The following RGSL1 variants were observed in gnomAD, a reference collection of about 807,000 sequenced individuals.
RGSL1 encodes the protein regulator of G protein signaling like 1.
In RGSL1, 97 loss-of-function variants were observed where a neutral mutation model predicts 124.7. The ratio of observed to expected loss-of-function variants is 0.78; its 90% confidence interval spans 0.66 to 0.92. The LOEUF is 0.92. Ranked by LOEUF, RGSL1 falls within the 40% of genes least tolerant of loss-of-function variation. The pLI, the probability that RGSL1 is intolerant of heterozygous loss-of-function variation, is 0.00. For synonymous variants in RGSL1, 424 were observed against 438.1 expected, an observed-to-expected ratio of 0.97 and a Z score of 0.40; for missense variants, 1,233 against 1,288.4, an observed-to-expected ratio of 0.96 and a Z score of 0.66.
intron 15 of RGSL1, among the ~76,000 whole-genome samples, chr1:182,545,282 A>C (rs1255421847): frequency 6.6e-6 from 1 of 152,170 alleles, no homozygotes; most frequent in Non-Finnish European, 1.5e-5. Context: ...GAAAAAACTA[A>C]AATGAATCTC....
intron 9 of RGSL1, among the ~76,000 whole-genome samples, chr1:182,499,889 G>C (rs1312330062): frequency 6.6e-6 from 1 of 152,066 alleles, no homozygotes; most frequent in Non-Finnish European, 1.5e-5. Flanking sequence ...CTTAGCATTT[G>C]CTTGTCTGAA....
At chr1:182,453,744 C>T (rs970305832) in intron 1 of RGSL1, among the ~76,000 whole-genome samples, 2 of 152,184 alleles carry the variant, frequency 1.3e-5, no homozygotes, top group Non-Finnish European at 2.9e-5. Context: ...ATACCTGAGT[C>T]AGTGAGCTCC....
chr1:182,533,235 G>A (rs1189044885), intron 14 of RGSL1, among the ~76,000 whole-genome samples: 3 of 127,232 alleles, frequency 2.4e-5, no homozygotes, highest in East Asian at 5.8e-4. Flanking sequence ...TTCTGTATAT[G>A]TATCTTAATA....
rs1016289622 is a variant in RGSL1 at position 182,540,229 on chromosome 1, T to A, written c.2495-18T>A. On this transcript the variant is annotated intron_variant, in intron 14 of 21. Transcript: ENST00000294854. ...CTTGATCAAACAAAATTGTAATTCC[T>A]TCTTCTTTCTCTCTCAGATTTCACC... The A allele has an allele frequency of 3.2e-5, 49 of 1,527,734 alleles. No individual in the cohort carries two copies. Among genetic ancestry groups the A allele is most frequent in the Admixed American group, 4.3e-5 (2 of 46,420 alleles). The allele number at this position is 1,527,734 out of a possible 1,614,324, so 94.6% of individuals were successfully genotyped here.
intron 9 of RGSL1, among the ~76,000 whole-genome samples, chr1:182,515,567 T>G (rs1013640764): frequency 0.045 from 2,270 of 50,980 alleles, 3 homozygotes; most frequent in Middle Eastern, 0.074. Flanking sequence ...GGGGGCGGGG[T>G]GGAGGGCGTG....
chr1:182,501,784 TCTC>T (rs1390559515), intron 9 of RGSL1, among the ~76,000 whole-genome samples: 1 of 152,180 alleles, frequency 6.6e-6, no homozygotes, highest in Non-Finnish European at 1.5e-5. Flanking sequence ...TTAGGAAGCA[TCTC>T]CTCCTCTTCA....
intron 1 of RGSL1, among the ~76,000 whole-genome samples, chr1:182,452,654 T>C (rs1055143302): frequency 6.6e-6 from 1 of 152,028 alleles, no homozygotes; most frequent in Admixed American, 6.6e-5. Flanking sequence ...GGTTTCATCA[T>C]GTTGGTCAGC....
intron 9 of RGSL1, among the ~76,000 whole-genome samples, chr1:182,515,551 A>G (rs1248913515): frequency 5.9e-5 from 4 of 67,684 alleles, no homozygotes; most frequent in African/African-American, 2.1e-4. Flanking sequence ...AAAAAAAAAA[A>G]AAGGGGGGGG....
chr1:182,493,263 TA>T (rs1181893082), intron 9 of RGSL1, 134 bp downstream of exon 9: 3 of 636,996 alleles, frequency 4.7e-6, no homozygotes, highest in Admixed American at 5.7e-5. Flanking sequence ...GAGAGGTGGT[TA>T]GGGGGTAATG....
intron 9 of RGSL1, among the ~76,000 whole-genome samples, chr1:182,498,341 C>T (rs947350323): frequency 1.2e-4 from 6 of 51,778 alleles, no homozygotes; most frequent in Non-Finnish European, 2.6e-4. Context: ...TTCTACTTTC[C>T]CTGTCTAGCT....
At position 182,459,856 on chromosome 1, in the gene RGSL1, G is replaced by T. The variant is rs1266860155; in HGVS notation, c.172-148G>T. 3.3e-6 allele frequency: 3 copies of T among 917,534 alleles called. No individual in the cohort carries two copies. The African/African-American group carries it at 5.1e-5, about 15-fold the overall frequency. The allele number at this position is 917,534 out of a possible 1,614,324, so 56.8% of individuals were successfully genotyped here. ...TCTTTTTCTTAAGTCCAGGTTCCAGGTTTATAGAAATTGTTTTTAATCAAC... is the reference window on the plus strand; with the variant it reads ...TCTTTTTCTTAAGTCCAGGTTCCAGTTTTATAGAAATTGTTTTTAATCAAC... On this transcript the variant is annotated intron_variant, in intron 3 of 21. Transcript: ENST00000294854.
At chr1:182,547,440 G>A (rs1370680058) in intron 15 of RGSL1, among the ~76,000 whole-genome samples, 1 of 152,152 alleles carries the variant, frequency 6.6e-6, no homozygotes, top group Admixed American at 6.5e-5. Flanking sequence ...AGCCTCACCT[G>A]CTGCTGCTCC....
At chr1:182,523,714 A>C (rs2102243624) in intron 10 of RGSL1, among the ~76,000 whole-genome samples, 1 of 152,336 alleles carries the variant, frequency 6.6e-6, no homozygotes, top group South Asian at 2.1e-4. Context: ...TTCAATAAGT[A>C]AATGACTATT....
Position 182,453,989 on chromosome 1 carries a change from G to C in RGSL1, c.45G>C (p.Leu15=), listed in dbSNP as rs1387599871. The C allele has an allele frequency of 2.6e-6, 4 of 1,534,370 alleles. No homozygotes were observed. The change falls in exon 2 of 22, where the codon CTG becomes CTC. Residue 15 remains leucine, a synonymous_variant. Transcript: ENST00000294854. ...TTGGTTCTACAAATCTTATAATTCT[G>C]CTAGAGGATGAAGTCTTTGCCGATT... The part of the protein sequence containing the change: ...EIIGSTNLII[L]LEDEVFADFF...
chr1:182,497,265 GTA>G (rs1491463359), intron 9 of RGSL1, among the ~76,000 whole-genome samples: 2 of 149,646 alleles, frequency 1.3e-5, no homozygotes, highest in African/African-American at 2.5e-5. Flanking sequence ...TAGACTGTGT[GTA>G]TGTGTGTGTG....
intron 10 of RGSL1, among the ~76,000 whole-genome samples, chr1:182,522,577 T>G (rs1274684125): frequency 6.6e-6 from 1 of 152,180 alleles, no homozygotes; most frequent in Non-Finnish European, 1.5e-5. Context: ...AGAATCAAAC[T>G]CTGGTAAGGT....
At chr1:182,513,590 G>A (rs769874002) in intron 9 of RGSL1, among the ~76,000 whole-genome samples, 1 of 152,198 alleles carries the variant, frequency 6.6e-6, no homozygotes, top group Non-Finnish European at 1.5e-5. Flanking sequence ...GTTAACAGGT[G>A]CATTCTGGGA....
intron 15 of RGSL1, among the ~76,000 whole-genome samples, chr1:182,544,371 G>T (rs1660079036): frequency 6.6e-6 from 1 of 151,866 alleles, no homozygotes; most frequent in Non-Finnish European, 1.5e-5. Flanking sequence ...TAGGATTCTT[G>T]ATTTTATTTC....
chr1:182,536,990 A>T (rs1042679016), intron 14 of RGSL1, among the ~76,000 whole-genome samples: 2 of 152,288 alleles, frequency 1.3e-5, no homozygotes, highest in South Asian at 2.1e-4. Context: ...GCCCATTTTT[A>T]AAAAACTTTG....
Sources: gnomAD v4.1 joint callset for allele counts (sites outside exome capture counted in the v4.1 genomes callset) on GRCh38, gnomAD v4.1.1 for gene constraint, MANE v1.5 for transcripts, NCBI Gene and HGNC (gene_info 2026-07-23, HGNC 2026-07-21) for gene names.